The following SCOC variants were observed in gnomAD, a reference collection of about 807,000 sequenced individuals.
SCOC encodes short coiled coil protein.
A neutral mutation model predicts 9.9 loss-of-function variants in SCOC; 7 were observed. That is an observed-to-expected ratio of 0.71 (90% confidence interval 0.40 to 1.33). The LOEUF (loss-of-function observed/expected upper bound fraction) is 1.33, where lower values mean the gene tolerates loss of function less well. Among genes scored for constraint, SCOC ranks in the 40% most tolerant of loss-of-function variants. The pLI is 0.01. For missense variants in SCOC, 66 were observed against 89.7 expected (o/e 0.74, Z 1.07); for synonymous variants, 19 against 28.2 (o/e 0.67, Z 1.03).
intron 2 of SCOC, chr4:140,366,414 C>CA: frequency 7.5e-7 from 1 of 1,333,916 alleles, no homozygotes; most frequent in Non-Finnish European, 1.0e-6. Context: ...GCAGCTGCAG[C>CA]AGCAGTAGCA....
chr4:140,336,008 ATTC>A (rs1291117137), intron 1 of SCOC, among the ~76,000 whole-genome samples: 4 of 152,134 alleles, frequency 2.6e-5, no homozygotes, highest in African/African-American at 9.7e-5. Flanking sequence ...AAAGATGTGC[ATTC>A]TTATCTTGAC....
At chr4:140,264,063 A>G (rs961288415) in intron 1 of SCOC, among the ~76,000 whole-genome samples, 1 of 152,164 alleles carries the variant, frequency 6.6e-6, no homozygotes, top group Admixed American at 6.5e-5. Context: ...GCAGTGGTAC[A>G]ATCACTGTTC....
intron 2 of SCOC, among the ~76,000 whole-genome samples, chr4:140,348,985 C>A (rs562115525): frequency 6.6e-6 from 1 of 152,282 alleles, no homozygotes; most frequent in Admixed American, 6.5e-5. Flanking sequence ...TTTTCATATA[C>A]CCATTGGCCA....
chr4:140,291,569 A>G, intron 1 of SCOC: 1 of 453,218 alleles, frequency 2.2e-6, no homozygotes, highest in Non-Finnish European at 4.5e-6. Flanking sequence ...GAAAAGCAAC[A>G]GAACAAAAAA....
chr4:140,326,425 G>A (rs937234122), intron 1 of SCOC, among the ~76,000 whole-genome samples: 1 of 152,062 alleles, frequency 6.6e-6, no homozygotes, highest in African/African-American at 2.4e-5. Context: ...AACTTTTAAA[G>A]GTGCCAGAGA....
intron 1 of SCOC, among the ~76,000 whole-genome samples, chr4:140,263,553 C>T (rs1257944694): frequency 6.6e-6 from 1 of 152,090 alleles, no homozygotes; most frequent in Non-Finnish European, 1.5e-5. Flanking sequence ...AGCAGGTTAT[C>T]ATCACTATAC....
chr4:140,331,006 C>T (rs1164905258), intron 1 of SCOC, among the ~76,000 whole-genome samples: 1 of 152,140 alleles, frequency 6.6e-6, no homozygotes, highest in Admixed American at 6.5e-5. Flanking sequence ...GTGAGCAGAG[C>T]ATGGGATGGA....
intron 1 of SCOC, chr4:140,291,314 T>C: frequency 2.4e-6 from 1 of 418,104 alleles, no homozygotes; most frequent in Non-Finnish European, 4.9e-6. Context: ...ACATTTGTCT[T>C]TTACTTTAGA....
At chr4:140,320,423 T>C (rs1212910469) in intron 1 of SCOC, among the ~76,000 whole-genome samples, 1 of 152,194 alleles carries the variant, frequency 6.6e-6, no homozygotes, top group African/African-American at 2.4e-5. Context: ...ACTTTCTTAA[T>C]AAACTGCTTT....
intron 1 of SCOC, among the ~76,000 whole-genome samples, chr4:140,298,448 T>G (rs1731712774): frequency 6.6e-6 from 1 of 152,354 alleles, no homozygotes; most frequent in South Asian, 2.1e-4. Context: ...TTTCCTGGGC[T>G]CCAGCTGGGA....
intron 2 of SCOC, 82 bp downstream of exon 2, chr4:140,379,274 A>G: frequency 2.1e-6 from 2 of 955,186 alleles, no homozygotes; most frequent in Admixed American, 3.5e-5. Context: ...GGGCAGAGAA[A>G]CCATGTTTAG....
chr4:140,381,346 AACTT>A lies in SCOC; in HGVS notation c.*244_*247del, dbSNP rs1222069206. Reference sequence around the variant, plus strand: ...TGATTAGAATTGCATATATTTATGAAACTTAAAGATGAATGTTTTATTGAATTTG... The same window carrying A: ...TGATTAGAATTGCATATATTTATGAAAAAGATGAATGTTTTATTGAATTTG... On this transcript the variant is annotated 3_prime_UTR_variant, in exon 4 of 4. Coordinates refer to ENST00000608372, the MANE Select transcript of SCOC (RefSeq NM_001153484.2). 1.3e-5 allele frequency: 4 copies of A among 308,082 alleles called. No homozygotes were observed. The highest frequency in any genetic ancestry group is 2.4e-5 in the Non-Finnish European group (4 of 166,466). The allele number at this position is 308,082 out of a possible 1,614,324, so 19.1% of individuals were successfully genotyped here.
chr4:140,323,373 G>A (rs1448468129), intron 1 of SCOC, among the ~76,000 whole-genome samples: 3 of 152,164 alleles, frequency 2.0e-5, no homozygotes, highest in Non-Finnish European at 4.4e-5. Context: ...GCAGAATAGT[G>A]AGCCAAATAA....
At chr4:140,375,450 C>T (rs1476888590) in intron 1 of SCOC, among the ~76,000 whole-genome samples, 1 of 152,136 alleles carries the variant, frequency 6.6e-6, no homozygotes, top group Non-Finnish European at 1.5e-5. Context: ...GGTTCCAGAG[C>T]TTATAAATTG....
intron 1 of SCOC, chr4:140,293,513 G>C (rs1731537682): frequency 2.5e-5 from 10 of 399,714 alleles, no homozygotes; most frequent in South Asian, 1.9e-4. Context: ...GGGAAAGAAG[G>C]ATTGGATAGG....
At chr4:140,262,613 A>C (rs1424244387) in intron 1 of SCOC, among the ~76,000 whole-genome samples, 4 of 152,210 alleles carry the variant, frequency 2.6e-5, no homozygotes, top group Non-Finnish European at 4.4e-5. Flanking sequence ...GTGGGGGAAG[A>C]AATAGCTATG....
intron 1 of SCOC, 138 bp downstream of exon 1, chr4:140,373,855 C>A (rs1163370912): frequency 4.1e-6 from 4 of 965,086 alleles, no homozygotes; most frequent in Non-Finnish European, 6.3e-6. Context: ...CGGTCTCGGG[C>A]CTGGGCATTT....
At chr4:140,359,965 A>C (rs943956880) in intron 2 of SCOC, among the ~76,000 whole-genome samples, 1 of 152,184 alleles carries the variant, frequency 6.6e-6, no homozygotes, top group Non-Finnish European at 1.5e-5. Flanking sequence ...TAGAGTCAGA[A>C]GACTTTTTGT....
At chr4:140,279,289 T>G (rs1731050315) in intron 1 of SCOC, among the ~76,000 whole-genome samples, 1 of 152,224 alleles carries the variant, frequency 6.6e-6, no homozygotes, top group Non-Finnish European at 1.5e-5. Context: ...CCTAAGTCCA[T>G]GTTTGTTTCA....
Sources: allele counts gnomAD v4.1 joint callset (sites outside exome capture counted in the v4.1 genomes callset), GRCh38; gene constraint gnomAD v4.1.1; transcripts MANE v1.5; gene names NCBI Gene and HGNC (gene_info 2026-07-23, HGNC 2026-07-21).